COL3A1: variants seen among roughly 807,000 people sequenced by gnomAD.
COL3A1 encodes collagen type III alpha 1 chain.
COL3A1 carries 46 observed loss-of-function variants against 200.9 expected under a neutral mutation model. That is an observed-to-expected ratio of 0.23 (90% CI 0.18 to 0.29). The LOEUF (loss-of-function observed/expected upper bound fraction) is 0.29, where lower values mean the gene tolerates loss of function less well. Among genes scored for constraint, COL3A1 ranks in the 10% least tolerant of loss-of-function variants. The probability of loss-of-function intolerance (pLI) is 1.00; values close to 1 mark genes in which losing one functional copy is unlikely to be tolerated. For missense variants in COL3A1, 1,367 were observed against 1,917.6 expected (o/e 0.71, Z 5.36); for synonymous variants, 650 against 628.0 (o/e 1.03, Z -0.52).
In COL3A1 at chr2:189,003,995, C is replaced by T. The variant is rs1447793042; in HGVS notation, c.2675C>T (p.Pro892Leu). ...AATTATTTGTAGGGTAACCCAGGACCCCCAGGTCCCAGCGGTTCTCCAGGC... is the reference window on the plus strand; with the variant it reads ...AATTATTTGTAGGGTAACCCAGGACTCCCAGGTCCCAGCGGTTCTCCAGGC... ...GPPGSNGNPG[P>L]PGPSGSPGKD... Residue 892 changes from proline to leucine, a missense_variant, in exon 39 of 51, where the codon CCC becomes CTC. Transcript: ENST00000304636. The T allele has an allele frequency of 1.2e-6, 2 of 1,611,620 alleles. No individual in the cohort carries two copies. The highest frequency in any genetic ancestry group is 2.2e-5 in the East Asian group (1 of 44,800).
chr2:189,002,487 A>C, intron 35 of COL3A1, 136 bp downstream of exon 35: 1 of 774,138 alleles, frequency 1.3e-6, no homozygotes, highest in Non-Finnish European at 2.2e-6. Flanking sequence ...TTGTACCCCT[A>C]TTTTGTTTTA....
chr2:189,002,267 C>T, intron 34 of COL3A1, 31 bp from the exon 35 acceptor site: 13 of 1,590,046 alleles, frequency 8.2e-6, no homozygotes, highest in Non-Finnish European at 1.1e-5. Flanking sequence ...GCACACTTCA[C>T]TGTGACTAAG....
intron 1 of COL3A1, among the ~76,000 whole-genome samples, chr2:188,977,300 T>A (rs1203587916): frequency 6.6e-6 from 1 of 152,150 alleles, no homozygotes; most frequent in Non-Finnish European, 1.5e-5. Context: ...TGTTTGAGTT[T>A]CTATATTTTG....
chr2:189,002,303 G>A lies in COL3A1; in HGVS notation c.2397G>A (p.Glu799=), dbSNP rs1338674766. The change falls in exon 35 of 51, where the codon GAG becomes GAA. Residue 799 remains glutamate, a synonymous_variant. Transcript: ENST00000304636. The part of the protein sequence containing the change: ...GIAGPRGSPG[E]RGETGPPGPA... Reference sequence around the variant, plus strand: ...GAGGATATTTTTCTCTTCAGGGTGAGAGAGGTGAAACTGGCCCTCCAGGAC... The same window carrying A: ...GAGGATATTTTTCTCTTCAGGGTGAAAGAGGTGAAACTGGCCCTCCAGGAC... The A allele has an allele frequency of 1.9e-6, 3 of 1,613,918 alleles. No homozygotes were observed. The highest frequency in any genetic ancestry group is 1.7e-4 in the Middle Eastern group (1 of 6,060).
At chr2:189,005,614 A>G (rs1025303995) in intron 41 of COL3A1, 157 bp downstream of exon 41, 1 of 710,722 alleles carries the variant, frequency 1.4e-6, no homozygotes, top group Non-Finnish European at 2.5e-6. Flanking sequence ...AATTTAGGAT[A>G]GACTTAAAAG....
chr2:189,006,850 G>A lies in COL3A1; in HGVS notation c.3202-87G>A. On this transcript the variant is annotated intron_variant, in intron 43 of 50. Coordinates refer to ENST00000304636, the MANE Select transcript of COL3A1 (RefSeq NM_000090.4). The stretch of plus-strand genomic sequence containing the variant: ...ATGCATACTATAATTCTATTATAAT[G>A]AAATTATTTACTTTTGAAAACGAAA... The A allele has an allele frequency of 3.1e-6, 4 of 1,305,910 alleles. No individual in the cohort carries two copies. The South Asian group carries it at 3.6e-5, about 12-fold the overall frequency. 80.9% of individuals were successfully genotyped at this position (1,305,910 alleles called of 1,614,324 possible).
intron 1 of COL3A1, among the ~76,000 whole-genome samples, chr2:188,974,875 TC>T: frequency 6.6e-6 from 1 of 152,212 alleles, no homozygotes; most frequent in Non-Finnish European, 1.5e-5. Context: ...ATTGTTAACA[TC>T]TTGGAATACT....
chr2:188,983,333 C>A (rs188811259), intron 1 of COL3A1, among the ~76,000 whole-genome samples: 1 of 151,988 alleles, frequency 6.6e-6, no homozygotes, highest in Non-Finnish European at 1.5e-5. Flanking sequence ...TTGAGTAGAT[C>A]AAGTGTCTTG....
intron 7 of COL3A1, 126 bp from the exon 8 acceptor site, chr2:188,989,270 C>T: frequency 1.5e-6 from 1 of 673,410 alleles, no homozygotes; most frequent in Non-Finnish European, 2.6e-6. Flanking sequence ...GTATCATTTT[C>T]ATTATCAGAA....
chr2:189,006,017 CACTA>C (rs1304047586), intron 41 of COL3A1, among the ~76,000 whole-genome samples, 185 bp from the exon 42 acceptor site: 4 of 152,096 alleles, frequency 2.6e-5, no homozygotes, highest in Admixed American at 6.5e-5. Context: ...TCCATGAATA[CACTA>C]ACTATCTGTC....
rs868587114 is a variant in COL3A1, at chr2:188,998,690, C to T, written c.1994C>T (p.Ala665Val). Residue 665 changes from alanine (A) to valine (V), a missense_variant, in exon 29 of 51, where the codon GCC (alanine) becomes GTC (valine). This residue lies in a region of COL3A1 where 846 missense variants were observed against 1,147.9 expected (regional missense o/e 0.74). Transcript: ENST00000304636. Reference protein sequence around the residue: ...KPGEPGPKGDAGAPGAPGGKG... With the variant: ...KPGEPGPKGDVGAPGAPGGKG... The stretch of plus-strand genomic sequence containing the variant: ...ATCTCCCAGGGTCCAAAGGGTGATG[C>T]CGGTGCACCTGGAGCTCCAGGAGGC... The T allele has an allele frequency of 1.2e-6, 2 of 1,613,848 alleles. No homozygotes were observed. The highest frequency in any genetic ancestry group is 2.2e-5 in the South Asian group (2 of 91,064).
intron 41 of COL3A1, among the ~76,000 whole-genome samples, chr2:189,005,979 T>C (rs901109589): frequency 6.6e-6 from 1 of 152,160 alleles, no homozygotes; most frequent in African/African-American, 2.4e-5. Flanking sequence ...AGACTCTTTT[T>C]GGATATCATT....
At chr2:188,981,639 C>T (rs1261306268) in intron 1 of COL3A1, among the ~76,000 whole-genome samples, 1 of 151,382 alleles carries the variant, frequency 6.6e-6, no homozygotes, top group Non-Finnish European at 1.5e-5. Flanking sequence ...AGATGACTTA[C>T]TTCTAAATCC....
In COL3A1 at chr2:188,987,287, G is replaced by A. The variant is rs1053639726; in HGVS notation, c.528+148G>A. On this transcript the variant is annotated intron_variant, in intron 5 of 50. Transcript: ENST00000304636. The stretch of plus-strand genomic sequence containing the variant: ...ACTAAGGTTGGAAAAGAAAATGGTA[G>A]CATTATCATGTTCTTTCTATCTTAT... 8.6e-6 allele frequency: 6 copies of A among 699,068 alleles called. No individual in the cohort carries two copies. In the Admixed American group the frequency reaches 1.2e-4, roughly 15 times the overall value. 43.3% of individuals were successfully genotyped at this position (699,068 alleles called of 1,614,324 possible). A position where few individuals can be genotyped will look rare whatever the true frequency, so the allele number is the denominator to read the frequency against.
At chr2:189,002,759 C>T (rs753331505) in intron 35 of COL3A1, among the ~76,000 whole-genome samples, 196 bp from the exon 36 acceptor site, 1 of 152,140 alleles carries the variant, frequency 6.6e-6, no homozygotes, top group African/African-American at 2.4e-5. Context: ...ACAGTTTATG[C>T]TTTCTTGGTC....
chr2:189,009,324 A>C (rs2153504137), intron 48 of COL3A1, 103 bp downstream of exon 48: 2 of 1,391,452 alleles, frequency 1.4e-6, no homozygotes, highest in Non-Finnish European at 2.0e-6. Flanking sequence ...GGAAAGCTGA[A>C]ATAGTACTTT....
chr2:188,996,783 G>A (rs1688329527), intron 24 of COL3A1, among the ~76,000 whole-genome samples: 1 of 152,158 alleles, frequency 6.6e-6, no homozygotes, highest in South Asian at 2.1e-4. Context: ...GAGGTCAGGA[G>A]TTCTAGGCCA....
intron 1 of COL3A1, among the ~76,000 whole-genome samples, chr2:188,975,905 A>G (rs936879260): frequency 3.3e-5 from 5 of 150,664 alleles, no homozygotes; most frequent in African/African-American, 1.2e-4. Flanking sequence ...GCAAGCCCAT[A>G]TCTACTCCTC....
At chr2:188,976,229 G>A (rs760805143) in intron 1 of COL3A1, among the ~76,000 whole-genome samples, 35 of 152,042 alleles carry the variant, frequency 2.3e-4, no homozygotes, top group South Asian at 2.1e-4. Context: ...TAGTTGCCTC[G>A]TGGTTGCAAG....
Sources: gnomAD v4.1 joint callset for allele counts (sites outside exome capture counted in the v4.1 genomes callset) on GRCh38, gnomAD v4.1.1 for gene constraint, gnomAD v4.1.1 regional missense constraint, MANE v1.5 for transcripts, NCBI Gene and HGNC (gene_info 2026-07-23, HGNC 2026-07-21) for gene names.